The following CALCOCO1 variants were observed in gnomAD, a reference collection of about 807,000 sequenced individuals.
CALCOCO1 encodes calcium-binding and coiled-coil domain-containing protein 1.
In CALCOCO1, 44 loss-of-function variants were observed where a neutral mutation model predicts 86.3. The observed-to-expected ratio is 0.51, with a 90% CI of 0.40 to 0.66. The LOEUF is 0.66. Among genes scored for constraint, CALCOCO1 ranks in the 30% least tolerant of loss-of-function variants. The pLI is 0.00. For synonymous variants in CALCOCO1, 297 were observed against 327.6 expected (o/e 0.91, Z 1.01); for missense variants, 708 against 851.1 (o/e 0.83, Z 2.09).
intron 4 of CALCOCO1, 137 bp from the exon 5 acceptor site, chr12:53,722,320 G>T: frequency 1.1e-6 from 1 of 896,664 alleles, no homozygotes; most frequent in Non-Finnish European, 1.7e-6. Flanking sequence ...GGAAGGGGAT[G>T]CTCAGTGTGC....
Position 53,714,694 on chromosome 12 carries a change from C to G in CALCOCO1, c.1387-1G>C, listed in dbSNP as rs530112359. The G allele has an allele frequency of 6.2e-7, 1 of 1,611,714 alleles. No homozygotes were observed. Among genetic ancestry groups the G allele is most frequent in the Non-Finnish European group, 8.5e-7 (1 of 1,178,442 alleles). On this transcript the variant is annotated splice_acceptor_variant, in intron 10 of 14. Coordinates refer to ENST00000550804, the MANE Select transcript of CALCOCO1 (RefSeq NM_020898.3). LOFTEE classifies it high-confidence loss of function. ...CCCGCTTACTTTCTGACAACTGTAC[C>G]TGAGGGAAGAGGGCCCAATGGAATC...
chr12:53,712,995 C>A, intron 14 of CALCOCO1, 105 bp downstream of exon 14: 1 of 1,307,420 alleles, frequency 7.6e-7, no homozygotes, highest in Non-Finnish European at 1.1e-6. Context: ...TGGCTGAGGC[C>A]AAGAAGGGCA....
rs1267909783 is a variant in CALCOCO1 at position 53,724,718 on chromosome 12, G to A, written c.186C>T (p.His62=). The A allele has an allele frequency of 6.2e-7, 1 of 1,613,738 alleles. No individual in the cohort carries two copies. The change falls in exon 3 of 15, where the codon CAC becomes CAT. Residue 62 remains histidine, a synonymous_variant. Transcript: ENST00000550804. ...CAGGCACGGAAGACCACACAAATGT[G>A]TGGTAATCCCGAACACAGGCAGCCT... ...KVEAACVRDY[H]TFVWSSVPES...
chr12:53,716,657 C>T (rs1416903086), intron 7 of CALCOCO1, among the ~76,000 whole-genome samples: 1 of 152,192 alleles, frequency 6.6e-6, no homozygotes, highest in Non-Finnish European at 1.5e-5. Flanking sequence ...TGTAGGCATT[C>T]CATGTACCAT....
At chr12:53,727,342 C>T (rs1227534851) in intron 1 of CALCOCO1, 62 bp downstream of exon 1, 1 of 152,276 alleles carries the variant, frequency 6.6e-6, no homozygotes, top group African/African-American at 2.4e-5. Flanking sequence ...CTTCCCCAAA[C>T]TGGAAAGTGG....
chr12:53,722,082 G>C lies in CALCOCO1; in HGVS notation c.552C>G (p.Leu184=). The C allele has an allele frequency of 6.2e-7, 1 of 1,613,800 alleles. No homozygotes were observed. The highest frequency in any genetic ancestry group is 8.5e-7 in the Non-Finnish European group (1 of 1,180,030). Reference sequence around the variant, plus strand: ...GCCTGGCAGTTGCCAGAGCCCTCTCGAGCTCCTGCACTCGGCTCCTCAGCT... The same window carrying C: ...GCCTGGCAGTTGCCAGAGCCCTCTCCAGCTCCTGCACTCGGCTCCTCAGCT... ...VTELRSRVQE[L]ERALATARQE... Residue 184 remains leucine, a synonymous_variant, in exon 5 of 15, where the codon CTC becomes CTG. Transcript: ENST00000550804.
Position 53,712,109 on chromosome 12 carries a change from C to T in CALCOCO1, c.1911G>A (p.Val637=), listed in dbSNP as rs775304341. The stretch of plus-strand genomic sequence containing the variant: ...CAGTGCTGGTTTCTGACAGGGTACC[C>T]ACTGTAAAGCCACTAAGAGAGACAG... ...AFYDMASGFT[V]GTLSETSTGG... Residue 637 remains valine (V), a synonymous_variant, in exon 15 of 15, where the codon GTG becomes GTA. Transcript: ENST00000550804. The T allele has an allele frequency of 6.2e-7, 1 of 1,602,506 alleles. No individual in the cohort carries two copies. The highest frequency in any genetic ancestry group is 8.5e-7 in the Non-Finnish European group (1 of 1,173,892).
rs749460744 is a variant in CALCOCO1 at position 53,723,729 on chromosome 12, C to T, written c.314G>A (p.Arg105His). ...AQLYQFRYVNRQGQVCGQSPP... is the reference protein window; with the variant it reads ...AQLYQFRYVNHQGQVCGQSPP... ...GCTCTGCCCACACACCTGGCCCTGG[C>T]GGTTCACATATCGGAACTGGTAGAG... The change falls in exon 4 of 15, where the codon CGC (arginine) becomes CAC (histidine). Residue 105 changes from arginine to histidine, a missense_variant. Coordinates refer to ENST00000550804, the MANE Select transcript of CALCOCO1 (RefSeq NM_020898.3). The T allele has an allele frequency of 1.5e-5, 25 of 1,614,058 alleles. No individual in the cohort carries two copies. The highest frequency in any genetic ancestry group is 7.7e-5 in the South Asian group (7 of 91,090).
At chr12:53,722,665 C>T (rs1180735338) in intron 4 of CALCOCO1, among the ~76,000 whole-genome samples, 1 of 152,128 alleles carries the variant, frequency 6.6e-6, no homozygotes, top group African/African-American at 2.4e-5. Context: ...ATACCTCAAA[C>T]TCCTGGCCTC....
chr12:53,714,448 T>G, intron 11 of CALCOCO1, 150 bp downstream of exon 11: 2 of 683,144 alleles, frequency 2.9e-6, no homozygotes, highest in Non-Finnish European at 5.1e-6. Context: ...TCATCCGCTG[T>G]CCTGCCAAAT....
intron 3 of CALCOCO1, chr12:53,724,179 C>A: frequency 2.3e-6 from 1 of 435,566 alleles, no homozygotes. Flanking sequence ...TACAGGCATG[C>A]ACCACCACGC....
At chr12:53,724,357 A>C in intron 3 of CALCOCO1, 1 of 423,254 alleles carries the variant, frequency 2.4e-6, no homozygotes, top group Non-Finnish European at 4.4e-6. Flanking sequence ...TCTTCTCACC[A>C]CATAATTCTA....
intron 1 of CALCOCO1, chr12:53,726,294 C>T (rs889945273): frequency 6.6e-6 from 1 of 152,250 alleles, no homozygotes; most frequent in Admixed American, 6.5e-5. Flanking sequence ...TCCCCTCAGC[C>T]TCCATCCTTC....
intron 6 of CALCOCO1, among the ~76,000 whole-genome samples, chr12:53,720,451 G>A (rs1945837881): frequency 6.6e-6 from 1 of 152,196 alleles, no homozygotes; most frequent in Non-Finnish European, 1.5e-5. Flanking sequence ...TATACAACAG[G>A]TGGCAGGCTA....
chr12:53,719,576 T>C (rs1324595741), intron 7 of CALCOCO1, among the ~76,000 whole-genome samples, 163 bp downstream of exon 7: 7 of 152,302 alleles, frequency 4.6e-5, no homozygotes, highest in Non-Finnish European at 1.0e-4. Flanking sequence ...TATTCCACTT[T>C]TCCACTCTGA....
At chr12:53,721,982 G>T in intron 5 of CALCOCO1, 43 bp downstream of exon 5, 1 of 1,607,396 alleles carries the variant, frequency 6.2e-7, no homozygotes, top group Non-Finnish European at 8.5e-7. Flanking sequence ...TTGGATGCTG[G>T]GTGAGCAGCC....
chr12:53,715,032 A>G (rs1320545486), intron 10 of CALCOCO1, among the ~76,000 whole-genome samples, 168 bp downstream of exon 10: 2 of 152,150 alleles, frequency 1.3e-5, no homozygotes, highest in Non-Finnish European at 1.5e-5. Flanking sequence ...CTGAGAGCAG[A>G]AAAAAATGCA....
Position 53,710,439 on chromosome 12 carries a change from G to A in CALCOCO1, c.*1505C>T, listed in dbSNP as rs78004590. 0.033 allele frequency: 5,009 copies of A among 152,820 alleles called. 116 individuals carry two copies. Among genetic ancestry groups the A allele is most frequent in the Non-Finnish European group, 0.051 (3,496 of 68,234 alleles). 9.5% of individuals were successfully genotyped at this position (152,820 alleles called of 1,614,324 possible). A position where few individuals can be genotyped will look rare whatever the true frequency, so the allele number is the denominator to read the frequency against. On this transcript the variant is annotated 3_prime_UTR_variant, in exon 15 of 15. Coordinates refer to ENST00000550804, the MANE Select transcript of CALCOCO1 (RefSeq NM_020898.3). ...GAAGGGAGCTATTGGGTTGGAGGAC[G>A]AGGGGGTTGTAGGCATGTGCTTGTG... is the stretch of plus-strand genomic sequence containing the variant.
At chr12:53,715,573 C>A in intron 9 of CALCOCO1, 1 of 753,128 alleles carries the variant, frequency 1.3e-6, no homozygotes, top group Non-Finnish European at 2.1e-6. Flanking sequence ...TGTTTCTGTT[C>A]CAAGGAAGGT....
Sources: gnomAD v4.1 joint callset for allele counts (sites outside exome capture counted in the v4.1 genomes callset) on GRCh38, gnomAD v4.1.1 for gene constraint, MANE v1.5 for transcripts, NCBI Gene and HGNC (gene_info 2026-07-23, HGNC 2026-07-21) for gene names.